Variants in GPLD1 observed in about 807,000 individuals in gnomAD.
The protein encoded by GPLD1 is glycosylphosphatidylinositol specific phospholipase D1.
Under a neutral mutation model 112.6 loss-of-function variants are expected in GPLD1, and 84 were observed. That is an observed-to-expected ratio of 0.75 (90% CI 0.63 to 0.89). GPLD1 has a LOEUF of 0.89. Ranked by LOEUF, GPLD1 falls within the 40% of genes least tolerant of loss-of-function variation. The pLI is 0.00. For synonymous variants in GPLD1, 386 were observed against 403.8 expected (o/e 0.96, Z 0.53); for missense variants, 1,044 against 1,051.5 (o/e 0.99, Z 0.10).
At chr6:24,487,555 G>C (rs1005605508) in intron 1 of GPLD1, among the ~76,000 whole-genome samples, 5 of 152,146 alleles carry the variant, frequency 3.3e-5, no homozygotes, top group Non-Finnish European at 7.3e-5. Context: ...ATTAAAAATG[G>C]AGTATTTCCA....
In GPLD1 at chr6:24,489,276, T is replaced by C. The variant is rs942957020; in HGVS notation, c.97+139A>G. 3 of 629,866 alleles carry C rather than the reference T, an allele frequency of 4.8e-6. No individual in the cohort carries two copies. The African/African-American group carries it at 5.6e-5, about 12-fold the overall frequency. The allele number at this position is 629,866 out of a possible 1,614,324, so 39.0% of individuals were successfully genotyped here. A position where few individuals can be genotyped will look rare whatever the true frequency, so the allele number is the denominator to read the frequency against. On this transcript the variant is annotated intron_variant, in intron 1 of 24. Transcript: ENST00000230036. ...CTGGATGACTGCAATCACCGGCTTCTCCTCCCTGCTGTCAGGCCACTCAGC... is the reference window on the plus strand; with the variant it reads ...CTGGATGACTGCAATCACCGGCTTCCCCTCCCTGCTGTCAGGCCACTCAGC...
Position 24,447,932 on chromosome 6 carries a change from C to T in GPLD1, c.1623G>A (p.Gly541=), listed in dbSNP as rs139875515. The T allele has an allele frequency of 6.3e-4, 1,016 of 1,614,054 alleles. 3 individuals are homozygous for T. The highest frequency in any genetic ancestry group is 5.6e-4 in the Non-Finnish European group (665 of 1,180,026). ...VIGSPFAPGG[G]KQKGIVAAFY... is the part of the protein sequence containing the mutation. ...ACGCAGCCACAATTCCCTTCTGCTT[C>T]CCTCCACCTGGTGCAAAAGGGGAGC... The change falls in exon 17 of 25, where the codon GGG becomes GGA. Residue 541 remains glycine (G), a synonymous_variant. Coordinates refer to ENST00000230036, the MANE Select transcript of GPLD1 (RefSeq NM_001503.4).
intron 15 of GPLD1, among the ~76,000 whole-genome samples, chr6:24,448,516 C>A (rs927223186): frequency 3.9e-5 from 6 of 152,110 alleles, no homozygotes; most frequent in African/African-American, 1.4e-4. Flanking sequence ...CGCATTGCTG[C>A]TGGGCTGAAA....
At chr6:24,495,244 G>C, upstream of GPLD1, 1 of 1,524,986 alleles carries the variant, frequency 6.6e-7, no homozygotes, top group Non-Finnish European at 8.7e-7. Context: ...GACCCGGCCA[G>C]CGGCGCCGCT....
chr6:24,436,113 G>A (rs549364570), intron 22 of GPLD1, among the ~76,000 whole-genome samples: 12 of 151,816 alleles, frequency 7.9e-5, no homozygotes, highest in Admixed American at 2.6e-4. Context: ...AAGATTAGCC[G>A]GGTGTGGTGG....
intron 2 of GPLD1, 56 bp from the exon 3 acceptor site, chr6:24,480,015 A>C (rs1764148959): frequency 9.5e-7 from 1 of 1,052,926 alleles, no homozygotes; most frequent in Non-Finnish European, 1.5e-6. Flanking sequence ...CCTGGGGAGT[A>C]TAGGCCCCAC....
intron 14 of GPLD1, among the ~76,000 whole-genome samples, 197 bp from the exon 15 acceptor site, chr6:24,450,096 C>G (rs1763033445): frequency 6.6e-6 from 1 of 152,156 alleles, no homozygotes; most frequent in African/African-American, 2.4e-5. Flanking sequence ...GCATGTCTGT[C>G]TGCCTTGAGG....
chr6:24,446,705 C>G (rs1393264774), intron 18 of GPLD1, 133 bp downstream of exon 18: 1 of 785,982 alleles, frequency 1.3e-6, no homozygotes, highest in African/African-American at 1.8e-5. Flanking sequence ...CAATCTTGCC[C>G]AGAGCCTTGG....
chr6:24,489,748 G>A, upstream of GPLD1: 3 of 553,632 alleles, frequency 5.4e-6, no homozygotes, highest in East Asian at 6.7e-5. Flanking sequence ...GGGGTTGGGA[G>A]GATAAACTGA....
rs771385301 is a variant in GPLD1, at chr6:24,486,148, A to G, written c.98-18T>C. The G allele has an allele frequency of 8.9e-6, 13 of 1,465,838 alleles. No individual in the cohort carries two copies. The highest frequency in any genetic ancestry group is 1.2e-5 in the Non-Finnish European group (13 of 1,053,820). The allele number at this position is 1,465,838 out of a possible 1,614,324, so 90.8% of individuals were successfully genotyped here. ...TCTGTGTCCTGAGAGAAATAAATAC[A>G]TAAATCAATTAAGTTCAACTATTAC... On this transcript the variant is annotated intron_variant, in intron 1 of 24. Transcript: ENST00000230036.
chr6:24,435,642 G>T (rs373275157), intron 22 of GPLD1, among the ~76,000 whole-genome samples: 23 of 151,268 alleles, frequency 1.5e-4, no homozygotes, highest in African/African-American at 4.9e-4. Context: ...TGGCCGACAT[G>T]GTGAAACCCT....
intron 1 of GPLD1, among the ~76,000 whole-genome samples, chr6:24,488,393 C>G (rs1221213837): frequency 6.9e-6 from 1 of 144,906 alleles, no homozygotes; most frequent in Non-Finnish European, 1.5e-5. Flanking sequence ...GCATGGCGGA[C>G]AGAGCGAGAC....
At chr6:24,463,332 C>T (rs970259015) in intron 10 of GPLD1, among the ~76,000 whole-genome samples, 28 of 152,114 alleles carry the variant, frequency 1.8e-4, no homozygotes, top group Admixed American at 2.6e-4. Flanking sequence ...ACTGAGGAAG[C>T]AGGTATTAAT....
At chr6:24,454,987 G>T (rs554208827) in intron 13 of GPLD1, among the ~76,000 whole-genome samples, 21 of 152,236 alleles carry the variant, frequency 1.4e-4, no homozygotes, top group African/African-American at 4.3e-4. Flanking sequence ...AAATTAGCTG[G>T]GTATGGTGGC....
At chr6:24,445,229 T>C (rs1208368466) in intron 20 of GPLD1, among the ~76,000 whole-genome samples, 2 of 152,094 alleles carry the variant, frequency 1.3e-5, no homozygotes, top group African/African-American at 4.8e-5. Context: ...AGTTTCACCA[T>C]GTTGCCAGGC....
chr6:24,438,523 G>A (rs1402284045), intron 20 of GPLD1, among the ~76,000 whole-genome samples: 2 of 152,184 alleles, frequency 1.3e-5, no homozygotes, highest in African/African-American at 2.4e-5. Flanking sequence ...CTTGTGCCTT[G>A]TTTATGGGAA....
chr6:24,424,202 A>G (rs1762151495), downstream of GPLD1: 1 of 143,020 alleles, frequency 7.0e-6, no homozygotes, highest in South Asian at 2.3e-4. Context: ...ACATAACCTT[A>G]TTTCTTGTAT....
intron 14 of GPLD1, among the ~76,000 whole-genome samples, chr6:24,453,578 G>A (rs1763162504): frequency 6.6e-6 from 1 of 152,202 alleles, no homozygotes; most frequent in South Asian, 2.1e-4. Flanking sequence ...AGAGGTTGCA[G>A]TGAGCAGAGA....
chr6:24,476,056 T>C, intron 4 of GPLD1, 125 bp downstream of exon 4: 1 of 607,390 alleles, frequency 1.6e-6, no homozygotes, highest in Non-Finnish European at 3.0e-6. Context: ...GCAATGTGCA[T>C]GACACTGAAG....
Sources: gnomAD v4.1 joint callset for allele counts (sites outside exome capture counted in the v4.1 genomes callset) on GRCh38, gnomAD v4.1.1 for gene constraint, MANE v1.5 for transcripts, NCBI Gene and HGNC (gene_info 2026-07-23, HGNC 2026-07-21) for gene names.